EFCAB11: variants seen among roughly 807,000 people sequenced by gnomAD.
EFCAB11 encodes EF-hand calcium-binding domain-containing protein 11.
A neutral mutation model predicts 23.0 loss-of-function variants in EFCAB11; 14 were observed. That is an observed-to-expected ratio of 0.61 (90% CI 0.40 to 0.95). The LOEUF (loss-of-function observed/expected upper bound fraction) is 0.95. Ranked by LOEUF, EFCAB11 falls within the 40% of genes least tolerant of loss-of-function variation. The pLI, the probability that EFCAB11 is intolerant of heterozygous loss-of-function variation, is 0.00. For synonymous variants in EFCAB11, 65 were observed against 66.6 expected (o/e 0.98, Z 0.11); for missense variants, 198 against 195.8 (o/e 1.01, Z -0.07).
chr14:89,868,131 CACAGGGGAAA>C (rs528953697), intron 5 of EFCAB11, among the ~76,000 whole-genome samples: 1 of 152,322 alleles, frequency 6.6e-6, no homozygotes, highest in South Asian at 2.1e-4. Context: ...TTGTCTCTTG[CACAGGGGAAA>C]ACCCTGAACT....
At chr14:89,945,944 A>T (rs1890967034) in intron 3 of EFCAB11, among the ~76,000 whole-genome samples, 1 of 143,214 alleles carries the variant, frequency 7.0e-6, no homozygotes. Context: ...TTTGAGACAG[A>T]GTCTTGCTCT....
At chr14:89,901,756 G>A (rs569839079) in intron 5 of EFCAB11, among the ~76,000 whole-genome samples, 57 of 152,214 alleles carry the variant, frequency 3.7e-4, no homozygotes, top group African/African-American at 1.3e-3. Flanking sequence ...TGACATAATG[G>A]AATGTAACAC....
intron 5 of EFCAB11, among the ~76,000 whole-genome samples, chr14:89,835,587 T>TGTGC (rs1686727451): frequency 2.0e-5 from 1 of 51,046 alleles, no homozygotes; most frequent in Non-Finnish European, 4.3e-5. Context: ...ATGCTCAACG[T>TGTGC]GTGTGTGTGT....
chr14:89,924,216 T>A (rs773586370), intron 5 of EFCAB11: 49 of 986,332 alleles, frequency 5.0e-5, no homozygotes, highest in Admixed American at 6.1e-5. Context: ...GAGAGTTAGA[T>A]GTCCTATGTC....
At chr14:89,885,968 G>A (rs540404994) in intron 5 of EFCAB11, among the ~76,000 whole-genome samples, 7 of 150,628 alleles carry the variant, frequency 4.6e-5, no homozygotes, top group Non-Finnish European at 8.9e-5. Flanking sequence ...AGATAATTCT[G>A]AAGAAAACAC....
chr14:89,832,521 C>T (rs184889931), intron 5 of EFCAB11, among the ~76,000 whole-genome samples: 1 of 152,320 alleles, frequency 6.6e-6, no homozygotes, highest in Admixed American at 6.5e-5. Context: ...GGCAGTGACT[C>T]TTCCAGCCCT....
chr14:89,925,107 TGAG>T (rs1453431074), intron 5 of EFCAB11, among the ~76,000 whole-genome samples: 4 of 152,250 alleles, frequency 2.6e-5, no homozygotes, highest in African/African-American at 9.6e-5. Context: ...AAGGCTTTAT[TGAG>T]GAGGACCTTT....
intron 5 of EFCAB11, among the ~76,000 whole-genome samples, chr14:89,829,029 T>C (rs1292543983): frequency 6.6e-6 from 1 of 152,236 alleles, no homozygotes; most frequent in Non-Finnish European, 1.5e-5. Flanking sequence ...CATTCCTGTT[T>C]ATGTGCAATT....
intron 5 of EFCAB11, among the ~76,000 whole-genome samples, chr14:89,860,145 C>A (rs1453251433): frequency 1.3e-5 from 2 of 152,098 alleles, no homozygotes; most frequent in Admixed American, 6.5e-5. Context: ...AGGTGGATCA[C>A]CTGAGATCAG....
chr14:89,952,341 A>C (rs1891200534), intron 2 of EFCAB11: 2 of 951,334 alleles, frequency 2.1e-6, no homozygotes, highest in South Asian at 4.9e-5. Context: ...TCTAAAATTG[A>C]AACCAAATAG....
At chr14:89,839,366 G>C (rs745647848) in intron 5 of EFCAB11, among the ~76,000 whole-genome samples, 1 of 152,174 alleles carries the variant, frequency 6.6e-6, no homozygotes, top group Non-Finnish European at 1.5e-5. Flanking sequence ...ATGGGGATGG[G>C]ACAACCAGAG....
intron 5 of EFCAB11, among the ~76,000 whole-genome samples, chr14:89,886,976 C>G (rs1198465405): frequency 6.6e-6 from 1 of 152,158 alleles, no homozygotes; most frequent in African/African-American, 2.4e-5. Flanking sequence ...CACAGAAAAT[C>G]TTATAGATTT....
chr14:89,797,227 AAGT>A lies in EFCAB11; in HGVS notation c.*13_*15del, dbSNP rs1202122835. ...CTATTGATCTCCCCAGAGTTACCAA[AAGT>A]AGTTCACAATAGTTAGGCTTCCTTC... On this transcript the variant is annotated 3_prime_UTR_variant, in exon 6 of 6. Coordinates refer to ENST00000316738, the MANE Select transcript of EFCAB11 (RefSeq NM_145231.4). 2 of 1,610,384 alleles carry A rather than the reference AAGT, an allele frequency of 1.2e-6. No homozygotes were observed. Among genetic ancestry groups the A allele is most frequent in the Admixed American group, 3.3e-5 (2 of 59,996 alleles).
intron 5 of EFCAB11, among the ~76,000 whole-genome samples, chr14:89,850,947 A>C (rs939296785): frequency 2.0e-5 from 3 of 152,200 alleles, no homozygotes; most frequent in African/African-American, 7.2e-5. Flanking sequence ...TATCTTGCCT[A>C]GGACCACACA....
At chr14:89,859,048 G>A (rs1036995801) in intron 5 of EFCAB11, among the ~76,000 whole-genome samples, 4 of 152,110 alleles carry the variant, frequency 2.6e-5, no homozygotes, top group Non-Finnish European at 5.9e-5. Context: ...AAGGCCTATG[G>A]TAAGGCAGTA....
intron 5 of EFCAB11, among the ~76,000 whole-genome samples, chr14:89,902,219 G>A (rs544098478): frequency 1.1e-4 from 16 of 152,172 alleles, no homozygotes; most frequent in Middle Eastern, 3.4e-3. Flanking sequence ...ATGGCTCTTC[G>A]TCATTTAGGT....
chr14:89,910,773 G>A (rs991637897), intron 5 of EFCAB11, among the ~76,000 whole-genome samples: 5 of 152,116 alleles, frequency 3.3e-5, no homozygotes, highest in Admixed American at 2.6e-4. Flanking sequence ...AGAGTCGGAC[G>A]GGTTTTTATA....
intron 5 of EFCAB11, among the ~76,000 whole-genome samples, chr14:89,885,173 A>C (rs1192371424): frequency 6.6e-6 from 1 of 152,246 alleles, no homozygotes; most frequent in Non-Finnish European, 1.5e-5. Flanking sequence ...TTAAAAATCT[A>C]TATAACTACA....
At chr14:89,798,437 A>C (rs979027960) in intron 5 of EFCAB11, among the ~76,000 whole-genome samples, 17 of 152,218 alleles carry the variant, frequency 1.1e-4, no homozygotes, top group Non-Finnish European at 2.4e-4. Flanking sequence ...GATCTCTTCT[A>C]AGGGATTAGA....
Sources: allele counts gnomAD v4.1 joint callset (sites outside exome capture counted in the v4.1 genomes callset), GRCh38; gene constraint gnomAD v4.1.1; transcripts MANE v1.5; gene names NCBI Gene and HGNC (gene_info 2026-07-23, HGNC 2026-07-21).